The following TPM4 variants were observed in gnomAD, a reference collection of about 807,000 sequenced individuals.
The protein encoded by TPM4 is tropomyosin alpha-4 chain.
Under a neutral mutation model 35.8 loss-of-function variants are expected in TPM4, and 17 were observed. The ratio of observed to expected loss-of-function variants is 0.47; its 90% CI spans 0.32 to 0.71. TPM4 has a LOEUF of 0.71. Among genes scored for constraint, TPM4 ranks in the 30% least tolerant of loss-of-function variants. The pLI is 0.03. For synonymous variants in TPM4, 120 were observed against 122.9 expected (o/e 0.98, Z 0.15); for missense variants, 240 against 320.9 (o/e 0.75, Z 1.93).
chr19:16,076,313 G>T (rs1383101940), upstream of TPM4: 30 of 1,506,514 alleles, frequency 2.0e-5, no homozygotes, highest in Non-Finnish European at 2.6e-5. Context: ...AATAAGTCCC[G>T]AAAAGGGGCA....
At chr19:16,095,219 C>G in intron 7 of TPM4, 10 of 1,014,548 alleles carry the variant, frequency 9.9e-6, no homozygotes, top group Non-Finnish European at 1.2e-5. Context: ...TGCCTTCTGT[C>G]CCCTGTACTT....
rs2090349368 is a variant in TPM4, at chr19:16,070,776, T to G, written c.114+3038T>G. On this transcript the variant is annotated intron_variant, in intron 2 of 2. Transcript: ENST00000589897. This position sits in a 1 kb window ranked among gnomAD's most constrained non-coding sequence, Gnocchi z 7.4. ...AGCCCCCCGTGCCCCAGGGCTGCCCTAAGAGTATGTGGCACATTCGTGCAG... is the reference window on the plus strand; with the variant it reads ...AGCCCCCCGTGCCCCAGGGCTGCCCGAAGAGTATGTGGCACATTCGTGCAG... Among the ~76,000 whole-genome samples the G allele has an allele frequency of 6.9e-6, 1 of 145,520 alleles. No homozygotes were observed. The highest frequency in any genetic ancestry group is 7.0e-5 in the Admixed American group (1 of 14,360).
intron 2 of TPM4, among the ~76,000 whole-genome samples, chr19:16,082,487 G>T (rs979970079): frequency 2.0e-5 from 3 of 151,742 alleles, no homozygotes; most frequent in Non-Finnish European, 4.4e-5. Flanking sequence ...CTCCAGCCTG[G>T]GCAACAAGAG....
chr19:16,097,453 T>C (rs996262857), intron 7 of TPM4, among the ~76,000 whole-genome samples: 4 of 151,726 alleles, frequency 2.6e-5, no homozygotes, highest in African/African-American at 9.7e-5. Context: ...TTTGTATTTT[T>C]AGTAGAGACA....
At chr19:16,068,547 C>T (rs1174194856) in intron 2 of TPM4, among the ~76,000 whole-genome samples, 1 of 151,978 alleles carries the variant, frequency 6.6e-6, no homozygotes, top group African/African-American at 2.4e-5. Flanking sequence ...TGTGTATCTG[C>T]ATGTTTGAGC....
upstream of TPM4, chr19:16,076,372 C>T (rs138200363): frequency 1.1e-3 from 1,524 of 1,416,658 alleles, 9 homozygotes; most frequent in African/African-American, 0.018. Context: ...CCTCCCCCAG[C>T]GGTGCTGACG....
intron 3 of TPM4, among the ~76,000 whole-genome samples, chr19:16,087,222 C>A (rs1004853434): frequency 6.6e-6 from 1 of 152,082 alleles, no homozygotes; most frequent in African/African-American, 2.4e-5. Flanking sequence ...GTCAAGGCTG[C>A]AGTGAGCTCT....
chr19:16,091,190 A>G (rs970703775), intron 5 of TPM4, among the ~76,000 whole-genome samples: 1 of 151,968 alleles, frequency 6.6e-6, no homozygotes, highest in Non-Finnish European at 1.5e-5. Context: ...GTAACTGGGA[A>G]TACAGGCGCA....
chr19:16,098,416 C>T (rs141423019), intron 7 of TPM4, among the ~76,000 whole-genome samples: 2 of 151,958 alleles, frequency 1.3e-5, no homozygotes, highest in East Asian at 1.9e-4. Context: ...CTTTGTACTC[C>T]AGCCTGGGCG....
chr19:16,077,439 C>A (rs1464668715), intron 1 of TPM4: 1 of 152,198 alleles, frequency 6.6e-6, no homozygotes, highest in Non-Finnish European at 1.5e-5. Context: ...GCCTGCTGTG[C>A]GCCTCCGCCG....
chr19:16,082,564 G>T (rs563083238), intron 2 of TPM4, among the ~76,000 whole-genome samples: 1 of 152,156 alleles, frequency 6.6e-6, no homozygotes, highest in African/African-American at 2.4e-5. Flanking sequence ...AGAAACTTCC[G>T]ACAGACAGAA....
chr19:16,099,524 C>T, intron 7 of TPM4: 1 of 152,248 alleles, frequency 6.6e-6, no homozygotes, highest in Non-Finnish European at 1.5e-5. Flanking sequence ...GTCAAGGCTG[C>T]AGTGAGCTAT....
Position 16,082,005 on chromosome 19 carries a change from G to A in TPM4, c.225G>A (p.Gln75=), listed in dbSNP as rs1165252920. Residue 75 remains glutamine (Q), a synonymous_variant, in exon 2 of 8, where the codon CAG becomes CAA. Transcript: ENST00000643579. ...RAQERLATAL[Q]KLEEAEKAAD... The stretch of plus-strand genomic sequence containing the variant: ...AGGAACGACTGGCCACGGCCCTGCA[G>A]AAGCTGGAGGAGGCAGAAAAAGCTG... 2 of 1,610,676 alleles carry A rather than the reference G, an allele frequency of 1.2e-6. No individual in the cohort carries two copies. The highest frequency in any genetic ancestry group is 1.3e-5 in the African/African-American group (1 of 75,018).
In TPM4 at chr19:16,067,831, C is replaced by T. The variant is rs1362491985; in HGVS notation, c.114+93C>T. On this transcript the variant is annotated intron_variant, in intron 2 of 2. Transcript: ENST00000589897. This position sits in a 1 kb window ranked among gnomAD's most constrained non-coding sequence, Gnocchi z 4.1. ...GGAGCCCAGTTGGGGGTCGCAGACA[C>T]CTGCGGGAGGATAGGAGGCTGATGC... The T allele has an allele frequency of 1.7e-6, 2 of 1,173,078 alleles. No individual in the cohort carries two copies. Among genetic ancestry groups the T allele is most frequent in the East Asian group, 2.6e-5 (1 of 37,952 alleles). 72.7% of individuals were successfully genotyped at this position (1,173,078 alleles called of 1,614,324 possible). A position where few individuals can be genotyped will look rare whatever the true frequency, so the allele number is the denominator to read the frequency against.
At chr19:16,090,727 T>C (rs1163420240) in intron 5 of TPM4, among the ~76,000 whole-genome samples, 2 of 152,282 alleles carry the variant, frequency 1.3e-5, no homozygotes, top group African/African-American at 4.8e-5. Flanking sequence ...CCTTGCTAGA[T>C]TGTAAGTTGT....
rs79216539 is a variant in TPM4, at chr19:16,070,673, G to A, written c.114+2935G>A. On this transcript the variant is annotated intron_variant, in intron 2 of 2. Transcript: ENST00000589897. The surrounding 1 kb of genome is among the most constrained non-coding windows in gnomAD (Gnocchi z 7.4). ...ACTGTACAGGTGGAACCCTTGGCCC[G>A]GAGCCTAGCTCAGAGTAAGCACTCA... Among the ~76,000 whole-genome samples the A allele has an allele frequency of 1.5e-3, 221 of 152,284 alleles. No homozygotes were observed. The highest frequency in any genetic ancestry group is 5.0e-3 in the African/African-American group (208 of 41,552).
chr19:16,070,075 G>T lies in TPM4; in HGVS notation c.114+2337G>T, dbSNP rs2090342086. Among the ~76,000 whole-genome samples, 1 of 151,844 alleles carries T rather than the reference G, an allele frequency of 6.6e-6. No homozygotes were observed. Among genetic ancestry groups the T allele is most frequent in the Non-Finnish European group, 1.5e-5 (1 of 67,864 alleles). Reference sequence around the variant, plus strand: ...GGGTCTGGGGACTGGGATGGGAGTAGAGTTGAGAGTGAGTCTGAGAATCTC... The same window carrying T: ...GGGTCTGGGGACTGGGATGGGAGTATAGTTGAGAGTGAGTCTGAGAATCTC... On this transcript the variant is annotated intron_variant, in intron 2 of 2. Transcript: ENST00000589897. This position sits in a 1 kb window ranked among gnomAD's most constrained non-coding sequence, Gnocchi z 7.4.
At chr19:16,092,281 A>G (rs950005425) in intron 5 of TPM4, among the ~76,000 whole-genome samples, 8 of 152,032 alleles carry the variant, frequency 5.3e-5, no homozygotes, top group Non-Finnish European at 1.0e-4. Context: ...ACTGGGACTC[A>G]GGAGTCCACA....
At chr19:16,088,384 G>C (rs2090585163) in intron 4 of TPM4, 2 of 1,267,350 alleles carry the variant, frequency 1.6e-6, no homozygotes, top group Admixed American at 6.7e-5. Context: ...TTTTCCCAGA[G>C]AGGATATCTC....
Sources: gnomAD v4.1 joint callset for allele counts (sites outside exome capture counted in the v4.1 genomes callset) on GRCh38, gnomAD v4.1.1 for gene constraint, Gnocchi (gnomAD v3.1) non-coding constraint, MANE v1.5 for transcripts, NCBI Gene and HGNC (gene_info 2026-07-23, HGNC 2026-07-21) for gene names.